The following MAP7 variants were observed in gnomAD, a reference collection of about 807,000 sequenced individuals.
MAP7 encodes the protein ensconsin.
Under a neutral mutation model 94.8 loss-of-function variants are expected in MAP7, and 52 were observed. The observed-to-expected ratio is 0.55, with a 90% CI of 0.44 to 0.69. The LOEUF is 0.69. Ranked by LOEUF, MAP7 falls within the 30% of genes least tolerant of loss-of-function variation. MAP7 has a pLI of 0.00. For missense variants in MAP7, 940 were observed against 964.6 expected, an observed-to-expected ratio of 0.97 and a Z score of 0.34; for synonymous variants, 350 against 357.0, an observed-to-expected ratio of 0.98 and a Z score of 0.22.
At chr6:136,509,246 C>T (rs1822516691) in intron 1 of MAP7, among the ~76,000 whole-genome samples, 1 of 152,178 alleles carries the variant, frequency 6.6e-6, no homozygotes, top group African/African-American at 2.4e-5. Flanking sequence ...GCCAACAGTC[C>T]TTTTTAAACA....
intron 11 of MAP7, among the ~76,000 whole-genome samples, chr6:136,361,404 A>G (rs912751280): frequency 1.3e-5 from 2 of 152,236 alleles, no homozygotes; most frequent in African/African-American, 4.8e-5. Flanking sequence ...AGCAACGTGT[A>G]ACCACCAATA....
intron 1 of MAP7, among the ~76,000 whole-genome samples, chr6:136,426,486 C>T (rs1002418046): frequency 1.3e-5 from 2 of 152,132 alleles, no homozygotes; most frequent in Non-Finnish European, 2.9e-5. Context: ...AATCCATAAA[C>T]CCACAGAGGT....
In MAP7 at chr6:136,411,661, C is replaced by A; in HGVS notation, c.203G>T (p.Arg68Leu). 1 of 1,567,082 alleles carries A rather than the reference C, an allele frequency of 6.4e-7. No individual in the cohort carries two copies. The highest frequency in any genetic ancestry group is 2.4e-5 in the East Asian group (1 of 42,268). The change falls in exon 3 of 18, where the codon CGG becomes CTG. Residue 68 changes from arginine to leucine, a missense_variant. Coordinates refer to ENST00000354570, the MANE Select transcript of MAP7 (RefSeq NM_003980.6). ...PPVLRVDDRQ[R>L]LARERREERE... ...TTCCTCACGTCGCTCCCGGGCCAGC[C>A]GCTGCCGGTCATCAACACGTAACAC...
chr6:136,475,131 C>T (rs1448889306), intron 1 of MAP7, among the ~76,000 whole-genome samples: 2 of 152,122 alleles, frequency 1.3e-5, no homozygotes, highest in Non-Finnish European at 2.9e-5. Flanking sequence ...TTTACTATGA[C>T]TTTATACATA....
chr6:136,344,050 A>T lies in MAP7; in HGVS notation c.*178T>A. The T allele has an allele frequency of 2.8e-6, 1 of 362,134 alleles. No homozygotes were observed. The highest frequency in any genetic ancestry group is 5.0e-6 in the Non-Finnish European group (1 of 198,110). The allele number at this position is 362,134 out of a possible 1,614,324, so 22.4% of individuals were successfully genotyped here. On this transcript the variant is annotated 3_prime_UTR_variant, in exon 18 of 18. Transcript: ENST00000354570. ...TATTTCTTTTTTCCTATTGATGAAA[A>T]TTATTAGAAAAGCTATCCAGTCTGT...
Position 136,389,511 on chromosome 6 carries a change from C to G in MAP7, c.251G>C (p.Arg84Thr), listed in dbSNP as rs763172340. Residue 84 changes from arginine to threonine, a missense_variant, in exon 4 of 18, where the codon AGA (arginine) becomes ACA (threonine). Coordinates refer to ENST00000354570, the MANE Select transcript of MAP7 (RefSeq NM_003980.6). ...TTCTCTTTCTAACCACACTATTTCT[C>G]TTGCAGCTTTGGGGAGGGTTAAAAA... The part of the protein sequence containing the change: ...REEREKQLAA[R>T]EIVWLEREER... 6.2e-7 allele frequency: 1 copy of G among 1,606,256 alleles called. No homozygotes were observed. Among genetic ancestry groups the G allele is most frequent in the Non-Finnish European group, 8.5e-7 (1 of 1,178,688 alleles).
At chr6:136,421,512 T>G (rs1227591818) in intron 2 of MAP7, among the ~76,000 whole-genome samples, 189 bp downstream of exon 2, 1 of 152,232 alleles carries the variant, frequency 6.6e-6, no homozygotes, top group Non-Finnish European at 1.5e-5. Context: ...CTTTGAGAGG[T>G]TCTCTGACTT....
At chr6:136,431,643 G>T (rs190140213) in intron 1 of MAP7, among the ~76,000 whole-genome samples, 13 of 151,932 alleles carry the variant, frequency 8.6e-5, no homozygotes, top group Non-Finnish European at 1.9e-4. Flanking sequence ...TTAGCCTCCC[G>T]AGTAGCTGGG....
intron 3 of MAP7, among the ~76,000 whole-genome samples, chr6:136,395,391 G>A (rs1365719009): frequency 7.3e-6 from 1 of 136,150 alleles, no homozygotes; most frequent in Non-Finnish European, 1.6e-5. Context: ...CAGATCATTT[G>A]CCCATTTTTA....
chr6:136,387,308 A>C (rs562708281), intron 5 of MAP7, among the ~76,000 whole-genome samples: 1 of 152,358 alleles, frequency 6.6e-6, no homozygotes, highest in South Asian at 2.1e-4. Flanking sequence ...TAGCTAAAAA[A>C]CATTTTTTAA....
chr6:136,359,244 T>C (rs1006728809), intron 15 of MAP7, among the ~76,000 whole-genome samples: 1 of 152,174 alleles, frequency 6.6e-6, no homozygotes, highest in African/African-American at 2.4e-5. Flanking sequence ...ATTATATGTA[T>C]GGAAATATCA....
intron 2 of MAP7, among the ~76,000 whole-genome samples, chr6:136,417,778 G>C (rs1223076277): frequency 1.3e-5 from 2 of 152,120 alleles, no homozygotes; most frequent in African/African-American, 4.8e-5. Context: ...CAATTGCACC[G>C]TGTGGCATCA....
chr6:136,488,935 A>T (rs1815640618), intron 1 of MAP7, among the ~76,000 whole-genome samples: 1 of 152,096 alleles, frequency 6.6e-6, no homozygotes, highest in Admixed American at 6.6e-5. Context: ...TTATTATTTT[A>T]AAAATGTGTT....
intron 1 of MAP7, among the ~76,000 whole-genome samples, chr6:136,502,047 C>A (rs1380035100): frequency 6.6e-6 from 1 of 152,194 alleles, no homozygotes; most frequent in Non-Finnish European, 1.5e-5. Context: ...CCTTTTTGTG[C>A]ATTTTTCACC....
At chr6:136,496,446 C>G (rs191493443) in intron 1 of MAP7, among the ~76,000 whole-genome samples, 1 of 151,288 alleles carries the variant, frequency 6.6e-6, no homozygotes, top group Admixed American at 6.5e-5. Context: ...TTGTCAATGT[C>G]ATGTTTCTCT....
intron 7 of MAP7, among the ~76,000 whole-genome samples, chr6:136,374,919 TAAC>T (rs967689179): frequency 5.3e-5 from 8 of 152,166 alleles, no homozygotes; most frequent in Non-Finnish European, 8.8e-5. Flanking sequence ...TAAGAAATAA[TAAC>T]AATATATAGT....
At chr6:136,541,115 C>T (rs2129060034) in intron 1 of MAP7, among the ~76,000 whole-genome samples, 1 of 152,308 alleles carries the variant, frequency 6.6e-6, no homozygotes, top group South Asian at 2.1e-4. Context: ...GTCTGGTGCG[C>T]CTGCCACCCC....
chr6:136,474,497 T>A (rs1267323701), intron 1 of MAP7, among the ~76,000 whole-genome samples: 4 of 152,142 alleles, frequency 2.6e-5, no homozygotes, highest in Non-Finnish European at 5.9e-5. Flanking sequence ...ACAGCGTTTT[T>A]TAATGGATTG....
intron 6 of MAP7, among the ~76,000 whole-genome samples, 159 bp from the exon 7 acceptor site, chr6:136,378,027 C>T (rs1164558025): frequency 6.6e-6 from 1 of 152,206 alleles, no homozygotes; most frequent in Non-Finnish European, 1.5e-5. Flanking sequence ...GACCCCTGTC[C>T]AGAGGGAGCA....
Sources: allele counts gnomAD v4.1 joint callset (sites outside exome capture counted in the v4.1 genomes callset), GRCh38; gene constraint gnomAD v4.1.1; transcripts MANE v1.5; gene names NCBI Gene and HGNC (gene_info 2026-07-23, HGNC 2026-07-21).